Variants in ARHGEF10 observed in about 807,000 individuals in gnomAD.
The protein encoded by ARHGEF10 is Rho guanine nucleotide exchange factor 10, also known as Rho guanine nucleotide exchange factor (GEF) 10.
ARHGEF10 carries 140 observed loss-of-function variants against 147.4 expected under a neutral mutation model. That is an observed-to-expected ratio of 0.95 (90% confidence interval 0.83 to 1.09). ARHGEF10 has a LOEUF of 1.09. Among genes scored for constraint, ARHGEF10 ranks in the 50% least tolerant of loss-of-function variants. The pLI is 0.00. For missense variants in ARHGEF10, 2,222 were observed against 1,752.7 expected, an observed-to-expected ratio of 1.27 and a Z score of -4.78; for synonymous variants, 902 against 695.8, an observed-to-expected ratio of 1.30 and a Z score of -4.67.
chr8:1,918,179 A>C (rs1175594636), intron 18 of ARHGEF10, among the ~76,000 whole-genome samples: 1 of 152,136 alleles, frequency 6.6e-6, no homozygotes, highest in Non-Finnish European at 1.5e-5. Flanking sequence ...CACTGGCCGC[A>C]CTGTGTGGTT....
At position 1,956,883 on chromosome 8, in the gene ARHGEF10, C is replaced by A; in HGVS notation, c.3655C>A (p.Gln1219Lys). ...APGPEPQDED[Q>K]KDALPSGGAG... is the part of the protein sequence containing the mutation. Reference sequence around the variant, plus strand: ...TGGCCCCGAGCCTCAGGACGAAGACCAGAAGGACGCACTTCCGAGTGGAGG... The same window carrying A: ...TGGCCCCGAGCCTCAGGACGAAGACAAGAAGGACGCACTTCCGAGTGGAGG... The change falls in exon 29 of 29, where the codon CAG becomes AAG. Residue 1219 changes from glutamine to lysine, a missense_variant. Transcript: ENST00000349830. 1 of 1,614,126 alleles carries A rather than the reference C, an allele frequency of 6.2e-7. No individual in the cohort carries two copies. The highest frequency in any genetic ancestry group is 8.5e-7 in the Non-Finnish European group (1 of 1,180,028).
At chr8:1,930,696 C>G in intron 25 of ARHGEF10, among the ~76,000 whole-genome samples, 1 of 152,222 alleles carries the variant, frequency 6.6e-6, no homozygotes, top group East Asian at 1.9e-4. Context: ...TTATTTGCCC[C>G]CGGACTTTGA....
chr8:1,947,043 A>G (rs867564913), intron 27 of ARHGEF10, among the ~76,000 whole-genome samples: 8 of 152,254 alleles, frequency 5.3e-5, no homozygotes, highest in Admixed American at 2.6e-4. Context: ...TGGCTCAGAA[A>G]GCAGACGCTC....
At chr8:1,939,198 A>G (rs1003951618) in intron 26 of ARHGEF10, among the ~76,000 whole-genome samples, 12 of 152,236 alleles carry the variant, frequency 7.9e-5, no homozygotes, top group African/African-American at 2.9e-4. Context: ...GCAAACGGAG[A>G]CTTAGAGATC....
At position 1,948,529 on chromosome 8, in the gene ARHGEF10, A is replaced by T. The variant is rs147757853; in HGVS notation, c.3397+2874A>T. ...CTGCTGCCACCGTGGCCTTGTCAGC[A>T]GGAGAAAGGTACACGGGTTAGAGGC... On this transcript the variant is annotated intron_variant, in intron 27 of 28. Coordinates refer to ENST00000349830, the MANE Select transcript of ARHGEF10 (RefSeq NM_014629.4). The surrounding 1 kb of genome is among the most constrained non-coding windows in gnomAD (Gnocchi z 4.9). Among the ~76,000 whole-genome samples the T allele has an allele frequency of 2.0e-5, 3 of 152,314 alleles. No homozygotes were observed. The highest frequency in any genetic ancestry group is 4.4e-5 in the Non-Finnish European group (3 of 68,020).
At chr8:1,940,563 AAGAATT>A (rs1160725960) in intron 26 of ARHGEF10, among the ~76,000 whole-genome samples, 1 of 152,222 alleles carries the variant, frequency 6.6e-6, no homozygotes, top group Non-Finnish European at 1.5e-5. Context: ...CATCTTTAAA[AAGAATT>A]AACAGTACTC....
chr8:1,952,572 C>G, intron 27 of ARHGEF10, 133 bp from the exon 28 acceptor site: 1 of 1,248,124 alleles, frequency 8.0e-7, no homozygotes, highest in Non-Finnish European at 1.1e-6. Flanking sequence ...TTTGGGAACT[C>G]CTGTGCCACA....
At chr8:1,936,384 G>A (rs565625211) in intron 26 of ARHGEF10, among the ~76,000 whole-genome samples, 4 of 152,144 alleles carry the variant, frequency 2.6e-5, no homozygotes, top group Non-Finnish European at 5.9e-5. Context: ...GCACGGTAGT[G>A]CATGCCTGTA....
chr8:1,900,454 A>G (rs753122843), intron 15 of ARHGEF10, among the ~76,000 whole-genome samples: 1 of 152,102 alleles, frequency 6.6e-6, no homozygotes, highest in Non-Finnish European at 1.5e-5. Context: ...AGCCCGACAG[A>G]TGTGCTGGGA....
chr8:1,900,285 C>T (rs1015111459), intron 15 of ARHGEF10, among the ~76,000 whole-genome samples: 5 of 152,124 alleles, frequency 3.3e-5, no homozygotes, highest in African/African-American at 1.2e-4. Flanking sequence ...CAGGGAAAAG[C>T]CTCTACCGGG....
intron 1 of ARHGEF10, among the ~76,000 whole-genome samples, chr8:1,833,918 C>T (rs562283220): frequency 2.3e-4 from 35 of 152,296 alleles, no homozygotes; most frequent in African/African-American, 2.4e-4. Context: ...GTTGGGGAGC[C>T]GTGTCGGGGC....
chr8:1,937,144 G>A lies in ARHGEF10; in HGVS notation c.3222+3202G>A. Among the ~76,000 whole-genome samples, 1 of 152,194 alleles carries A rather than the reference G, an allele frequency of 6.6e-6. No homozygotes were observed. Among genetic ancestry groups the A allele is most frequent in the East Asian group, 1.9e-4 (1 of 5,192 alleles). ...GCTGGACAGGGAGGTTGGGGTACAT[G>A]TTAGATGATTTTTGGCAGTATTGTT... On this transcript the variant is annotated intron_variant, in intron 26 of 28. Transcript: ENST00000349830. This position sits in a 1 kb window ranked among gnomAD's most constrained non-coding sequence, Gnocchi z 4.9.
At chr8:1,870,160 G>A (rs1201584519) in intron 7 of ARHGEF10, 1 of 152,010 alleles carries the variant, frequency 6.6e-6, no homozygotes, top group Non-Finnish European at 1.5e-5. Flanking sequence ...GACTGAAGAG[G>A]AGGGTGACCG....
In ARHGEF10 at chr8:1,909,382, T is replaced by C. The variant is rs2294038; in HGVS notation, c.2055T>C (p.Tyr685=). 0.15 allele frequency: 244,758 copies of C among 1,614,038 alleles called. 18,949 individuals carry two copies. The highest frequency in any genetic ancestry group is 0.19 in the Admixed American group (11,671 of 60,018). ...TGGGACATGTGGACGCCATCGAGTATGGCAGCAGCGCAGGCACGGGCGAGC... is the reference window on the plus strand; with the variant it reads ...TGGGACATGTGGACGCCATCGAGTACGGCAGCAGCGCAGGCACGGGCGAGC... ...VPLGHVDAIE[Y]GSSAGTGEHS... The change falls in exon 18 of 29, where the codon TAT becomes TAC. Residue 685 remains tyrosine (Y), a synonymous_variant. Coordinates refer to ENST00000349830, the MANE Select transcript of ARHGEF10 (RefSeq NM_014629.4).
chr8:1,856,537 G>A (rs1247454333), intron 2 of ARHGEF10, among the ~76,000 whole-genome samples: 3 of 152,238 alleles, frequency 2.0e-5, no homozygotes, highest in African/African-American at 2.4e-5. Flanking sequence ...TTTTTAGACC[G>A]CTAGAGTTCC....
Position 1,860,060 on chromosome 8 carries a change from C to T in ARHGEF10, c.357C>T (p.Leu119=). ...GCGCTGAGGAGGAGAATGTGGGTCT[C>T]CATGTGCCCTGCGGGTACTTGGTGC... ...VPSAEEENVG[L]HVPCGYLVPV... The change falls in exon 4 of 29, where the codon CTC becomes CTT. Residue 119 remains leucine (L), a synonymous_variant. Coordinates refer to ENST00000349830, the MANE Select transcript of ARHGEF10 (RefSeq NM_014629.4). 1 of 1,614,170 alleles carries T rather than the reference C, an allele frequency of 6.2e-7. No individual in the cohort carries two copies.
rs201110471 is a variant in ARHGEF10 at position 1,905,647 on chromosome 8, T to C, written c.1898T>C (p.Ile633Thr). 1 of 1,614,196 alleles carries C rather than the reference T, an allele frequency of 6.2e-7. No homozygotes were observed. The highest frequency in any genetic ancestry group is 8.5e-7 in the Non-Finnish European group (1 of 1,180,038). Residue 633 changes from isoleucine to threonine, a missense_variant, in exon 17 of 29, where the codon ATT (isoleucine) becomes ACT (threonine). By Grantham distance (89) the Ile-to-Thr change is moderately conservative. Transcript: ENST00000349830. Reference protein sequence around the residue: ...IETVYNDRGEIVKTKERRVFM... With the variant: ...IETVYNDRGETVKTKERRVFM... ...ACAGTTTACAACGACAGAGGAGAGA[T>C]TGTTAAAACCAAAGAACGCCGAGTC...
intron 6 of ARHGEF10, among the ~76,000 whole-genome samples, chr8:1,868,376 T>C (rs1806799134): frequency 6.6e-6 from 1 of 152,226 alleles, no homozygotes; most frequent in Non-Finnish European, 1.5e-5. Context: ...TTGGACGTTC[T>C]CTTGCAGGGA....
At chr8:1,896,537 T>A in intron 14 of ARHGEF10, 88 bp downstream of exon 14, 1 of 956,818 alleles carries the variant, frequency 1.0e-6, no homozygotes, top group Non-Finnish European at 1.7e-6. Flanking sequence ...AGTTATTCGT[T>A]ATTAAGATTT....
Sources: gnomAD v4.1 joint callset for allele counts (sites outside exome capture counted in the v4.1 genomes callset) on GRCh38, gnomAD v4.1.1 for gene constraint, Gnocchi (gnomAD v3.1) non-coding constraint, MANE v1.5 for transcripts, NCBI Gene and HGNC (gene_info 2026-07-23, HGNC 2026-07-21) for gene names.